The following PNPT1 variants were observed in gnomAD, a reference collection of about 807,000 sequenced individuals.
PNPT1 encodes polyribonucleotide nucleotidyltransferase 1, mitochondrial.
A neutral mutation model predicts 119.5 loss-of-function variants in PNPT1; 53 were observed. That is an observed-to-expected ratio of 0.44 (90% CI 0.36 to 0.56). The LOEUF (loss-of-function observed/expected upper bound fraction) is 0.56, where lower values mean the gene tolerates loss of function less well. Ranked by LOEUF, PNPT1 falls within the 20% of genes least tolerant of loss-of-function variation. The probability of loss-of-function intolerance (pLI) is 0.00; values close to 1 mark genes in which losing one functional copy is unlikely to be tolerated. For synonymous variants in PNPT1, 357 were observed against 322.1 expected (o/e 1.11, Z -1.16); for missense variants, 948 against 938.5 (o/e 1.01, Z -0.13).
At chr2:55,640,008 A>G (rs993896251) in intron 26 of PNPT1, among the ~76,000 whole-genome samples, 6 of 152,212 alleles carry the variant, frequency 3.9e-5, no homozygotes, top group Non-Finnish European at 8.8e-5. Context: ...TTCACTGACT[A>G]TAATACAACT....
In PNPT1 at chr2:55,684,939, T is replaced by G; in HGVS notation, c.403+4A>C. 6.4e-7 allele frequency: 1 copy of G among 1,563,620 alleles called. No homozygotes were observed. Among genetic ancestry groups the G allele is most frequent in the Non-Finnish European group, 8.7e-7 (1 of 1,146,828 alleles). ...AGATGAACGCCTCTATGTTAATATC[T>G]TACCTATTATTCGACTTGTTAGAAT... On this transcript the variant is annotated splice_donor_region_variant and intron_variant, in intron 4 of 27. Transcript: ENST00000447944.
intron 8 of PNPT1, among the ~76,000 whole-genome samples, chr2:55,677,931 C>G (rs1257009319): frequency 6.6e-6 from 1 of 152,000 alleles, no homozygotes; most frequent in African/African-American, 2.4e-5. Flanking sequence ...TTAGTAGAGA[C>G]AGGGTTTCAC....
intron 1 of PNPT1, among the ~76,000 whole-genome samples, chr2:55,690,542 C>G (rs1697563438): frequency 6.6e-6 from 1 of 152,150 alleles, no homozygotes; most frequent in Non-Finnish European, 1.5e-5. Flanking sequence ...TGTTAAATAC[C>G]TTTGCCAGAA....
chr2:55,640,954 G>A (rs111474178), intron 25 of PNPT1, among the ~76,000 whole-genome samples: 3 of 152,078 alleles, frequency 2.0e-5, no homozygotes, highest in South Asian at 2.1e-4. Context: ...AGCCAGGTGC[G>A]GTGGCTCACA....
intron 27 of PNPT1, 110 bp downstream of exon 27, chr2:55,637,441 AC>A: frequency 1.0e-6 from 1 of 960,074 alleles, no homozygotes; most frequent in Non-Finnish European, 1.6e-6. Flanking sequence ...AGTACTGCAT[AC>A]AAATAAAAAA....
intron 11 of PNPT1, among the ~76,000 whole-genome samples, chr2:55,668,592 A>G (rs1228186358): frequency 6.6e-6 from 1 of 150,870 alleles, no homozygotes; most frequent in Non-Finnish European, 1.5e-5. Flanking sequence ...CCTTTATGGA[A>G]AAGGTCTGAC....
intron 13 of PNPT1, among the ~76,000 whole-genome samples, chr2:55,664,433 C>T (rs1696672163): frequency 6.6e-6 from 1 of 152,094 alleles, no homozygotes; most frequent in South Asian, 2.1e-4. Flanking sequence ...GAAACCCTGA[C>T]TCTACAAAAA....
Position 55,675,360 on chromosome 2 carries a change from G to C in PNPT1, c.680-2281C>G, listed in dbSNP as rs146673282. On this transcript the variant is annotated intron_variant, in intron 8 of 27. Coordinates refer to ENST00000447944, the MANE Select transcript of PNPT1 (RefSeq NM_033109.5). ...TCCAGTGCTATGGGAGGCCAGGACA[G>C]GAGGATTGCTTGAGGCCAGGAGATT... Among the ~76,000 whole-genome samples the C allele has an allele frequency of 4.1e-3, 617 of 151,864 alleles. 5 individuals carry two copies. Among genetic ancestry groups the C allele is most frequent in the African/African-American group, 0.015 (602 of 41,402 alleles).
At chr2:55,637,424 A>C (rs995125292) in intron 27 of PNPT1, 128 bp downstream of exon 27, 3 of 809,952 alleles carry the variant, frequency 3.7e-6, no homozygotes, top group African/African-American at 1.7e-5. Flanking sequence ...TCTAAGATTA[A>C]AAATGAAGTA....
intron 25 of PNPT1, among the ~76,000 whole-genome samples, chr2:55,641,900 G>A (rs1695844704): frequency 6.6e-6 from 1 of 150,990 alleles, no homozygotes; most frequent in African/African-American, 2.4e-5. Flanking sequence ...GGAGTGCAGT[G>A]GTGCGATCTC....
In PNPT1 at chr2:55,643,393, A is replaced by G; in HGVS notation, c.1939T>C (p.Phe647Leu). 6.2e-7 allele frequency: 1 copy of G among 1,614,060 alleles called. No homozygotes were observed. Among genetic ancestry groups the G allele is most frequent in the South Asian group, 1.1e-5 (1 of 91,086 alleles). Residue 647 changes from phenylalanine to leucine, a missense_variant, in exon 24 of 28, where the codon TTT becomes CTT. Physicochemically the swap from Phe to Leu is conservative, Grantham distance 22 (BLOSUM62 0). Transcript: ENST00000447944. ...CTGGGTGTTGGTGCAAATACAGAAA[A>G]CGTTTCTTCATCCACCTGACTAATA... ...VTISQVDEETFSVFAPTPSAM... is the reference protein window; with the variant it reads ...VTISQVDEETLSVFAPTPSAM...
chr2:55,667,151 G>A, intron 12 of PNPT1, 58 bp from the exon 13 acceptor site: 3 of 1,313,852 alleles, frequency 2.3e-6, no homozygotes, highest in Non-Finnish European at 3.3e-6. Flanking sequence ...AAAATCACAT[G>A]TCTTTATCTC....
intron 27 of PNPT1, among the ~76,000 whole-genome samples, chr2:55,636,825 GAA>G (rs1306217403): frequency 1.3e-5 from 2 of 152,158 alleles, no homozygotes; most frequent in Non-Finnish European, 1.5e-5. Context: ...CTTGGAAAAT[GAA>G]AGTCAGGGGC....
chr2:55,643,244 T>A (rs1695889078), intron 24 of PNPT1, 31 bp from the exon 25 acceptor site: 4 of 1,613,974 alleles, frequency 2.5e-6, no homozygotes, highest in Non-Finnish European at 3.4e-6. Context: ...ATAAGATTCA[T>A]AAAGAAAACA....
intron 18 of PNPT1, among the ~76,000 whole-genome samples, chr2:55,651,172 G>C (rs1366723493): frequency 3.3e-5 from 5 of 150,770 alleles, no homozygotes; most frequent in East Asian, 4.0e-4. Context: ...CCCTCTGCCC[G>C]GCCAGCCGCC....
chr2:55,638,809 C>T (rs575935485), intron 26 of PNPT1, among the ~76,000 whole-genome samples: 2 of 150,926 alleles, frequency 1.3e-5, no homozygotes, highest in Non-Finnish European at 2.9e-5. Context: ...GAGTCTCGCT[C>T]TGTCATCCGG....
At chr2:55,693,492 T>A (rs1697688050) in intron 1 of PNPT1, among the ~76,000 whole-genome samples, 171 bp downstream of exon 1, 1 of 151,516 alleles carries the variant, frequency 6.6e-6, no homozygotes, top group Non-Finnish European at 1.5e-5. Flanking sequence ...GGAAGGAGGG[T>A]CCGAGGAGAC....
intron 5 of PNPT1, among the ~76,000 whole-genome samples, chr2:55,681,341 A>G (rs1203942169): frequency 1.3e-5 from 2 of 152,126 alleles, no homozygotes; most frequent in Non-Finnish European, 2.9e-5. Context: ...CAGGAGGCAG[A>G]GGTTGCAGTG....
At chr2:55,640,775 T>C (rs1695810649) in intron 25 of PNPT1, 70 bp from the exon 26 acceptor site, 2 of 1,066,914 alleles carry the variant, frequency 1.9e-6, no homozygotes, top group East Asian at 2.4e-5. Flanking sequence ...AAATAAAACA[T>C]TGTTTTCATA....
Sources: allele counts gnomAD v4.1 joint callset (sites outside exome capture counted in the v4.1 genomes callset), GRCh38; gene constraint gnomAD v4.1.1; transcripts MANE v1.5; gene names NCBI Gene and HGNC (gene_info 2026-07-23, HGNC 2026-07-21).